Variants in MAGI2 observed in about 807,000 individuals in gnomAD.
MAGI2 encodes membrane associated guanylate kinase, WW and PDZ domain containing 2.
In MAGI2, 35 loss-of-function variants were observed where a neutral mutation model predicts 133.3. The observed-to-expected ratio is 0.26, with a 90% CI of 0.20 to 0.35. The LOEUF (loss-of-function observed/expected upper bound fraction) is 0.35. Ranked by LOEUF, MAGI2 falls within the 10% of genes least tolerant of loss-of-function variation. The pLI, the probability that MAGI2 is intolerant of heterozygous loss-of-function variation, is 1.00. For synonymous variants in MAGI2, 729 were observed against 710.6 expected (o/e 1.03, Z -0.41); for missense variants, 1,636 against 1,863.4 (o/e 0.88, Z 2.25).
intron 21 of MAGI2, among the ~76,000 whole-genome samples, chr7:78,051,941 T>G (rs1812053936): frequency 6.8e-6 from 1 of 146,060 alleles, no homozygotes; most frequent in African/African-American, 2.6e-5. Flanking sequence ...TGGAGGGCAA[T>G]GGCAGCATCA....
intron 10 of MAGI2, 102 bp from the exon 11 acceptor site, chr7:78,201,295 A>G: frequency 5.4e-6 from 3 of 558,714 alleles, no homozygotes; most frequent in Non-Finnish European, 9.3e-6. Context: ...AAATTAGTTA[A>G]CAGCGAACAA....
In MAGI2 at chr7:78,125,734, A is replaced by C; in HGVS notation, c.3527T>G (p.Leu1176Arg). The change falls in exon 20 of 22, where the codon CTG (leucine) becomes CGG (arginine). Residue 1176 changes from leucine to arginine, a missense_variant. This residue lies in a region of MAGI2 where 49 missense variants were observed against 103.8 expected (regional missense o/e 0.47). Transcript: ENST00000354212. ...EYKMDLYVLR[L>R]AEDGPAIRNG... is the part of the protein sequence containing the mutation. ...CCTTATTGCTGGTCCATCTTCTGCC[A>C]GTCTCAACACATACAAATCCATTTT... 1 of 1,614,142 alleles carries C rather than the reference A, an allele frequency of 6.2e-7. No individual in the cohort carries two copies. Among genetic ancestry groups the C allele is most frequent in the Non-Finnish European group, 8.5e-7 (1 of 1,179,972 alleles).
intron 1 of MAGI2, among the ~76,000 whole-genome samples, chr7:79,255,783 T>G (rs1833638708): frequency 6.6e-6 from 1 of 152,076 alleles, no homozygotes; most frequent in Non-Finnish European, 1.5e-5. Context: ...TAATAAAGGT[T>G]ATAATTTTAG....
At chr7:78,816,717 G>A (rs1360667601) in intron 2 of MAGI2, among the ~76,000 whole-genome samples, 2 of 152,024 alleles carry the variant, frequency 1.3e-5, no homozygotes, top group African/African-American at 2.4e-5. Flanking sequence ...GCCCACTGTT[G>A]AGAACTACTG....
At chr7:79,187,695 T>C (rs1263213818) in intron 1 of MAGI2, among the ~76,000 whole-genome samples, 1 of 151,776 alleles carries the variant, frequency 6.6e-6, no homozygotes, top group Non-Finnish European at 1.5e-5. Context: ...ATTTTACGGA[T>C]TTATGGTTGA....
At chr7:78,521,000 A>G (rs1796447217) in intron 4 of MAGI2, among the ~76,000 whole-genome samples, 1 of 152,202 alleles carries the variant, frequency 6.6e-6, no homozygotes, top group South Asian at 2.1e-4. Context: ...CTACTGAGAG[A>G]AGTGCAAGCA....
At position 79,043,502 on chromosome 7, in the gene MAGI2, T is replaced by G. The variant is rs1286334504; in HGVS notation, c.302-36296A>C. Among the ~76,000 whole-genome samples, 4 of 116,446 alleles carry G rather than the reference T, an allele frequency of 3.4e-5. No individual in the cohort carries two copies. In the South Asian group the frequency reaches 8.0e-4, roughly 23 times the overall value. The allele number at this position is 116,446 out of a possible 152,430, so 76.4% of individuals were successfully genotyped here. A position where few individuals can be genotyped will look rare whatever the true frequency, so the allele number is the denominator to read the frequency against. ...AGGTTGCAGTGAGCCAAGATCACACTACTGCACTCCAGCCTGGGTGACAGA... is the reference window on the plus strand; with the variant it reads ...AGGTTGCAGTGAGCCAAGATCACACGACTGCACTCCAGCCTGGGTGACAGA... On this transcript the variant is annotated intron_variant, in intron 1 of 21. Transcript: ENST00000354212.
chr7:79,311,627 A>G (rs896366800), intron 1 of MAGI2, among the ~76,000 whole-genome samples: 1 of 151,984 alleles, frequency 6.6e-6, no homozygotes, highest in East Asian at 1.9e-4. Context: ...TCATAACTTT[A>G]CGTACCATCT....
chr7:78,934,432 G>T (rs1165086251), intron 2 of MAGI2, among the ~76,000 whole-genome samples: 1 of 152,004 alleles, frequency 6.6e-6, no homozygotes, highest in African/African-American at 2.4e-5. Flanking sequence ...CTGTATTAAT[G>T]GTGTCATATT....
chr7:79,260,813 T>C (rs1834035552), intron 1 of MAGI2, among the ~76,000 whole-genome samples: 1 of 152,190 alleles, frequency 6.6e-6, no homozygotes, highest in Non-Finnish European at 1.5e-5. Context: ...GATATCTCAT[T>C]ATGTATTTCT....
intron 2 of MAGI2, among the ~76,000 whole-genome samples, chr7:78,670,709 G>A (rs192075666): frequency 5.3e-5 from 8 of 152,122 alleles, no homozygotes; most frequent in South Asian, 2.1e-4. Context: ...GCATGGTACC[G>A]GTACCAAAAC....
chr7:79,362,205 G>A (rs895436891), intron 1 of MAGI2, among the ~76,000 whole-genome samples: 2 of 151,910 alleles, frequency 1.3e-5, no homozygotes, highest in Non-Finnish European at 2.9e-5. Context: ...CACCATAGAT[G>A]CTGTGTGCAT....
chr7:78,841,722 G>A lies in MAGI2; in HGVS notation c.418+165368C>T, dbSNP rs1300850553. On this transcript the variant is annotated intron_variant, in intron 2 of 21. Transcript: ENST00000354212. Reference sequence around the variant, plus strand: ...ATATTTTCTGCATATTCACAAAGGTGAATAGAAATTCCATGCTCCAGGTTT... The same window carrying A: ...ATATTTTCTGCATATTCACAAAGGTAAATAGAAATTCCATGCTCCAGGTTT... Among the ~76,000 whole-genome samples, 3 of 152,004 alleles carry A rather than the reference G, an allele frequency of 2.0e-5. No individual in the cohort carries two copies. The East Asian group carries it at 5.8e-4, about 29-fold the overall frequency.
At chr7:78,167,816 G>T in intron 15 of MAGI2, 100 bp downstream of exon 15, 1 of 1,082,216 alleles carries the variant, frequency 9.2e-7, no homozygotes, top group Non-Finnish European at 1.3e-6. Flanking sequence ...ATATAATGTA[G>T]AAATGGATTT....
At chr7:78,371,426 T>C (rs116605115) in intron 6 of MAGI2, among the ~76,000 whole-genome samples, 2,251 of 152,078 alleles carry the variant, frequency 0.015, 49 homozygotes, top group African/African-American at 0.051. Context: ...AAAACAATCA[T>C]GTTCAATAAA....
At chr7:78,817,211 C>T (rs954531798) in intron 2 of MAGI2, among the ~76,000 whole-genome samples, 1 of 152,144 alleles carries the variant, frequency 6.6e-6, no homozygotes, top group African/African-American at 2.4e-5. Context: ...AAACTCATGA[C>T]AAAACTTGAG....
At chr7:78,304,830 G>T (rs926211168) in intron 9 of MAGI2, among the ~76,000 whole-genome samples, 1 of 152,156 alleles carries the variant, frequency 6.6e-6, no homozygotes, top group African/African-American at 2.4e-5. Flanking sequence ...AGTGAGGAAA[G>T]TGAGCCTCGT....
At chr7:78,873,460 A>G (rs1328665431) in intron 2 of MAGI2, among the ~76,000 whole-genome samples, 2 of 151,896 alleles carry the variant, frequency 1.3e-5, no homozygotes, top group African/African-American at 4.8e-5. Context: ...TGAACCCCAC[A>G]TGTAAGGGAT....
chr7:79,452,966 C>A (rs1849395107), intron 1 of MAGI2, 54 bp downstream of exon 1: 1 of 1,500,618 alleles, frequency 6.7e-7, no homozygotes, highest in South Asian at 1.3e-5. Flanking sequence ...CATTGCCCTG[C>A]GCCCCGAGCG....
Sources: gnomAD v4.1 joint callset for allele counts (sites outside exome capture counted in the v4.1 genomes callset) on GRCh38, gnomAD v4.1.1 for gene constraint, gnomAD v4.1.1 regional missense constraint, MANE v1.5 for transcripts, NCBI Gene and HGNC (gene_info 2026-07-23, HGNC 2026-07-21) for gene names.